Variants in SLC6A3 observed in about 807,000 individuals in gnomAD.
SLC6A3 encodes the protein solute carrier family 6 member 3.
In SLC6A3, 19 loss-of-function variants were observed where a neutral mutation model predicts 70.4. That is an observed-to-expected ratio of 0.27 (90% CI 0.19 to 0.40). SLC6A3 has a LOEUF of 0.40. SLC6A3 is among the 10% of genes least tolerant of loss of function. The pLI is 1.00. For missense variants in SLC6A3, 613 were observed against 838.5 expected (o/e 0.73, Z 3.32); for synonymous variants, 368 against 356.6 (o/e 1.03, Z -0.36).
In SLC6A3 at chr5:1,432,216, C is replaced by T. The variant is rs1459643634; in HGVS notation, c.653+248G>A. ...ACCCTGAGCTGCCGCTGGGAGCAGC[C>T]AAGGGAGCTGCTCAGTGCCCCATCC... On this transcript the variant is annotated intron_variant, in intron 4 of 14. Coordinates refer to ENST00000270349, the MANE Select transcript of SLC6A3 (RefSeq NM_001044.5). Among the ~76,000 whole-genome samples, 5 of 152,264 alleles carry T rather than the reference C, an allele frequency of 3.3e-5. No homozygotes were observed. The East Asian group carries it at 9.7e-4, about 29-fold the overall frequency.
chr5:1,432,330 G>T, intron 4 of SLC6A3, 134 bp downstream of exon 4: 1 of 722,858 alleles, frequency 1.4e-6, no homozygotes, highest in Non-Finnish European at 2.5e-6. Flanking sequence ...AGCACTAAAG[G>T]GATGGAGTGC....
In SLC6A3 at chr5:1,406,794, C is replaced by G. The variant is rs531021690; in HGVS notation, c.1499-506G>C. Among the ~76,000 whole-genome samples the G allele has an allele frequency of 7.4e-5, 11 of 149,236 alleles. No homozygotes were observed. The highest frequency in any genetic ancestry group is 1.2e-4 in the Non-Finnish European group (8 of 65,944). Reference sequence around the variant, plus strand: ...AAATTCTGCCCTCATGAAACGCCAACTCCTCCCGACCCCCAACCCCCGCCA... The same window carrying G: ...AAATTCTGCCCTCATGAAACGCCAAGTCCTCCCGACCCCCAACCCCCGCCA... On this transcript the variant is annotated intron_variant, in intron 11 of 14. Transcript: ENST00000270349. This position sits in a 1 kb window ranked among gnomAD's most constrained non-coding sequence, Gnocchi z 8.8.
chr5:1,403,206 G>C lies in SLC6A3; in HGVS notation c.1600-117C>G. 2.5e-6 allele frequency: 3 copies of C among 1,200,106 alleles called. No homozygotes were observed. The East Asian group carries it at 7.7e-5, about 31-fold the overall frequency. 74.3% of individuals were successfully genotyped at this position (1,200,106 alleles called of 1,614,324 possible). On this transcript the variant is annotated intron_variant, in intron 12 of 14. Transcript: ENST00000270349. ...TCTCAGCCCCCACAGCTGTGCAGGT[G>C]CAGACCCCGGCCAGGCCTGCAGACA... is the stretch of plus-strand genomic sequence containing the variant.
At position 1,442,403 on chromosome 5, in the gene SLC6A3, T is replaced by C. The variant is rs921198089; in HGVS notation, c.286+509A>G. On this transcript the variant is annotated intron_variant, in intron 2 of 14. Coordinates refer to ENST00000270349, the MANE Select transcript of SLC6A3 (RefSeq NM_001044.5). The surrounding 1 kb of genome is among the most constrained non-coding windows in gnomAD (Gnocchi z 5.0). ...GCTCCTGGGAAGGGATCACCAATGTTCTTGGACGTCCCCGGTGGCCCTGCC... is the reference window on the plus strand; with the variant it reads ...GCTCCTGGGAAGGGATCACCAATGTCCTTGGACGTCCCCGGTGGCCCTGCC... Among the ~76,000 whole-genome samples the C allele has an allele frequency of 2.6e-4, 39 of 152,016 alleles. No individual in the cohort carries two copies. Among genetic ancestry groups the C allele is most frequent in the Non-Finnish European group, 5.1e-4 (35 of 67,982 alleles).
rs993462519 is a variant in SLC6A3 at position 1,436,840 on chromosome 5, C to G, written c.419-4142G>C. Among the ~76,000 whole-genome samples, 4 of 152,216 alleles carry G rather than the reference C, an allele frequency of 2.6e-5. No homozygotes were observed. Among genetic ancestry groups the G allele is most frequent in the Non-Finnish European group, 5.9e-5 (4 of 68,032 alleles). On this transcript the variant is annotated intron_variant, in intron 3 of 14. Coordinates refer to ENST00000270349, the MANE Select transcript of SLC6A3 (RefSeq NM_001044.5). This position sits in a 1 kb window ranked among gnomAD's most constrained non-coding sequence, Gnocchi z 5.2. ...ACACCAGTACACCCCAGGGCACCCA[C>G]GAGAGCTGGCTTCAGGAGAGGGTGT...
chr5:1,416,492 T>C, intron 6 of SLC6A3: 1 of 528,170 alleles, frequency 1.9e-6, no homozygotes. Flanking sequence ...GGTGCCCTGC[T>C]CCATAGCCCT....
At chr5:1,426,546 A>G (rs1459625593) in intron 4 of SLC6A3, among the ~76,000 whole-genome samples, 1 of 152,236 alleles carries the variant, frequency 6.6e-6, no homozygotes. Context: ...TGTCTCTAAA[A>G]AGGAAAAAGA....
rs914234825 is a variant in SLC6A3, at chr5:1,411,390, C to T, written c.1157-35G>A. The T allele has an allele frequency of 2.0e-6, 3 of 1,467,228 alleles. No individual in the cohort carries two copies. Among genetic ancestry groups the T allele is most frequent in the Non-Finnish European group, 2.8e-6 (3 of 1,072,166 alleles). 90.9% of individuals were successfully genotyped at this position (1,467,228 alleles called of 1,614,324 possible). On this transcript the variant is annotated intron_variant, in intron 8 of 14. Coordinates refer to ENST00000270349, the MANE Select transcript of SLC6A3 (RefSeq NM_001044.5). The surrounding 1 kb of genome is among the most constrained non-coding windows in gnomAD (Gnocchi z 6.5). ...AACCCGCCCTGCTTGCCACAGAGCC[C>T]ACGCTGTGCTCTCCCGCCCATCCTG...
intron 9 of SLC6A3, among the ~76,000 whole-genome samples, chr5:1,410,809 T>C (rs911451061): frequency 2.6e-5 from 4 of 151,904 alleles, no homozygotes; most frequent in Non-Finnish European, 4.4e-5. Context: ...TGTGTGTATG[T>C]GTGTGTGCAT....
rs1349800817 is a variant in SLC6A3 at position 1,394,139 on chromosome 5, AAC to A, written c.*594_*595del. Reference sequence around the variant, plus strand: ...GGACCCCCATCCTCCAATGCCTCTGAACAGACTGTGTGTGCAATGTGTCAACT... The same window carrying A: ...GGACCCCCATCCTCCAATGCCTCTGAAGACTGTGTGTGCAATGTGTCAACT... On this transcript the variant is annotated 3_prime_UTR_variant, in exon 15 of 15. Transcript: ENST00000270349. This position sits in a 1 kb window ranked among gnomAD's most constrained non-coding sequence, Gnocchi z 4.7. The A allele has an allele frequency of 5.9e-6, 1 of 168,228 alleles. No homozygotes were observed. Among genetic ancestry groups the A allele is most frequent in the Admixed American group, 5.8e-5 (1 of 17,326 alleles). The allele number at this position is 168,228 out of a possible 1,614,324, so 10.4% of individuals were successfully genotyped here.
chr5:1,439,134 TG>T (rs149328009), intron 3 of SLC6A3, among the ~76,000 whole-genome samples: 1,559 of 152,318 alleles, frequency 0.01, 36 homozygotes, highest in African/African-American at 0.036. Context: ...ACAACAGGCC[TG>T]GGTCTTCCGT....
At chr5:1,443,300 G>T in intron 1 of SLC6A3, 58 bp from the exon 2 acceptor site, 4 of 1,340,436 alleles carry the variant, frequency 3.0e-6, no homozygotes, top group South Asian at 1.2e-5. Context: ...AGCAGCCAGG[G>T]CTAGGGACAT....
Position 1,402,871 on chromosome 5 carries a change from C to A in SLC6A3, c.1767+51G>T, listed in dbSNP as rs564928019. 9 of 1,590,548 alleles carry A rather than the reference C, an allele frequency of 5.7e-6. No individual in the cohort carries two copies. The East Asian group carries it at 1.1e-4, about 20-fold the overall frequency. On this transcript the variant is annotated intron_variant, in intron 13 of 14. Transcript: ENST00000270349. This position sits in a 1 kb window ranked among gnomAD's most constrained non-coding sequence, Gnocchi z 8.5. ...ACTGGGGCCATGGACACCCACGGAGCCTTTCTGGTGGCCTCACACTCGGGT... is the reference window on the plus strand; with the variant it reads ...ACTGGGGCCATGGACACCCACGGAGACTTTCTGGTGGCCTCACACTCGGGT...
chr5:1,408,365 T>A lies in SLC6A3; in HGVS notation c.1498+661A>T. Among the ~76,000 whole-genome samples the A allele has an allele frequency of 6.6e-6, 1 of 152,142 alleles. No individual in the cohort carries two copies. Among genetic ancestry groups the A allele is most frequent in the East Asian group, 1.9e-4 (1 of 5,182 alleles). ...ACCACACATTCATGGCGAGATGCCC[T>A]GGCTCGGCCTCGCCACTTCCCTGGA... On this transcript the variant is annotated intron_variant, in intron 11 of 14. Coordinates refer to ENST00000270349, the MANE Select transcript of SLC6A3 (RefSeq NM_001044.5). The surrounding 1 kb of genome is among the most constrained non-coding windows in gnomAD (Gnocchi z 6.4).
chr5:1,407,529 A>G (rs1756013510), intron 11 of SLC6A3, among the ~76,000 whole-genome samples: 1 of 152,218 alleles, frequency 6.6e-6, no homozygotes, highest in Non-Finnish European at 1.5e-5. Flanking sequence ...GGCACATCTT[A>G]TTAGAGCACA....
At chr5:1,424,658 G>A (rs1756538315) in intron 4 of SLC6A3, among the ~76,000 whole-genome samples, 1 of 152,210 alleles carries the variant, frequency 6.6e-6, no homozygotes, top group Non-Finnish European at 1.5e-5. Context: ...ACCAGAGGGG[G>A]AGGCCCAGGG....
rs1258932963 is a variant in SLC6A3 at position 1,411,387 on chromosome 5, G to T, written c.1157-32C>A. 3 of 1,490,648 alleles carry T rather than the reference G, an allele frequency of 2.0e-6. No homozygotes were observed. The highest frequency in any genetic ancestry group is 2.8e-5 in the African/African-American group (2 of 71,946). 92.3% of individuals were successfully genotyped at this position (1,490,648 alleles called of 1,614,324 possible). A position where few individuals can be genotyped will look rare whatever the true frequency, so the allele number is the denominator to read the frequency against. On this transcript the variant is annotated intron_variant, in intron 8 of 14. Coordinates refer to ENST00000270349, the MANE Select transcript of SLC6A3 (RefSeq NM_001044.5). This position sits in a 1 kb window ranked among gnomAD's most constrained non-coding sequence, Gnocchi z 6.5. ...CAGAACCCGCCCTGCTTGCCACAGAGCCCACGCTGTGCTCTCCCGCCCATC... is the reference window on the plus strand; with the variant it reads ...CAGAACCCGCCCTGCTTGCCACAGATCCCACGCTGTGCTCTCCCGCCCATC...
In SLC6A3 at chr5:1,441,262, C is replaced by T. The variant is rs1225774099; in HGVS notation, c.418+97G>A. On this transcript the variant is annotated intron_variant, in intron 3 of 14. Coordinates refer to ENST00000270349, the MANE Select transcript of SLC6A3 (RefSeq NM_001044.5). Reference sequence around the variant, plus strand: ...ATGCCTGTGTCTTAGCAAAGCAGGGCTGGATGCCCATGATGCGGCTGGCTT... The same window carrying T: ...ATGCCTGTGTCTTAGCAAAGCAGGGTTGGATGCCCATGATGCGGCTGGCTT... 21 of 1,485,094 alleles carry T rather than the reference C, an allele frequency of 1.4e-5. No individual in the cohort carries two copies. In the South Asian group the frequency reaches 2.0e-4, roughly 14 times the overall value. The allele number at this position is 1,485,094 out of a possible 1,614,324, so 92.0% of individuals were successfully genotyped here.
intron 9 of SLC6A3, 27 bp from the exon 10 acceptor site, chr5:1,409,876 G>A (rs556106676): frequency 5.0e-5 from 81 of 1,612,196 alleles, no homozygotes; most frequent in Middle Eastern, 1.7e-4. Context: ...GGGTCGGGCT[G>A]CAGGCTGGCG....
Sources: allele counts gnomAD v4.1 joint callset (sites outside exome capture counted in the v4.1 genomes callset), GRCh38; gene constraint gnomAD v4.1.1; non-coding constraint Gnocchi (gnomAD v3.1); transcripts MANE v1.5; gene names NCBI Gene and HGNC (gene_info 2026-07-23, HGNC 2026-07-21).